The following PFKFB3 variants were observed in gnomAD, a reference collection of about 807,000 sequenced individuals.
PFKFB3 encodes the protein 6-phosphofructo-2-kinase/fructose-2,6-biphosphatase 3.
In PFKFB3, 33 loss-of-function variants were observed where a neutral mutation model predicts 68.0. The ratio of observed to expected loss-of-function variants is 0.49; its 90% CI spans 0.37 to 0.65. The LOEUF is 0.65. Ranked by LOEUF, PFKFB3 falls within the 30% of genes least tolerant of loss-of-function variation. PFKFB3 has a pLI of 0.00. For synonymous variants in PFKFB3, 315 were observed against 288.2 expected (o/e 1.09, Z -0.94); for missense variants, 586 against 712.2 (o/e 0.82, Z 2.02).
chr10:6,211,959 C>T (rs1254706160), intron 1 of PFKFB3, among the ~76,000 whole-genome samples: 1 of 152,234 alleles, frequency 6.6e-6, no homozygotes. Context: ...CTGCTGGGGG[C>T]TCCGGCTTAC....
intron 1 of PFKFB3, among the ~76,000 whole-genome samples, chr10:6,145,947 C>T (rs543939143): frequency 1.3e-5 from 2 of 152,220 alleles, no homozygotes; most frequent in African/African-American, 4.8e-5. Context: ...AGCTCAAAGA[C>T]CCGGGAGAGA....
intron 2 of PFKFB3, among the ~76,000 whole-genome samples, chr10:6,213,952 T>G: frequency 6.9e-6 from 1 of 145,632 alleles, no homozygotes. Context: ...TCACTGGCCA[T>G]TCTCTTTCCC....
chr10:6,298,791 C>T, the PFKFB3 span, among the ~76,000 whole-genome samples: 1 of 152,180 alleles, frequency 6.6e-6, no homozygotes, highest in Non-Finnish European at 1.5e-5. Flanking sequence ...CTCTAACGCA[C>T]CCCAACGCAG....
At chr10:6,163,696 ACCGGCG>A (rs1376361765) in intron 1 of PFKFB3, 7 of 95,568 alleles carry the variant, frequency 7.3e-5, no homozygotes, top group Non-Finnish European at 1.4e-4. Context: ...GCGTGGCGGG[ACCGGCG>A]GGGGCGGGGC....
the PFKFB3 span, among the ~76,000 whole-genome samples, chr10:6,315,975 A>G: frequency 3.9e-5 from 6 of 152,242 alleles, no homozygotes; most frequent in Non-Finnish European, 8.8e-5. Context: ...CTTTCATTCC[A>G]AAAAGAACCA....
chr10:6,205,341 C>T (rs916790901), intron 1 of PFKFB3, among the ~76,000 whole-genome samples: 10 of 149,444 alleles, frequency 6.7e-5, no homozygotes, highest in Admixed American at 5.3e-4. Context: ...CACCCTCCCT[C>T]GATTCTCTAA....
At chr10:6,151,484 A>G (rs1002520718) in intron 1 of PFKFB3, among the ~76,000 whole-genome samples, 4 of 152,148 alleles carry the variant, frequency 2.6e-5, no homozygotes, top group Non-Finnish European at 4.4e-5. Context: ...GGCCCCTTGC[A>G]TTGGTGAGGA....
At chr10:6,211,093 C>T (rs1358852597) in intron 1 of PFKFB3, among the ~76,000 whole-genome samples, 2 of 152,174 alleles carry the variant, frequency 1.3e-5, no homozygotes, top group Admixed American at 6.5e-5. Context: ...TCTTACTATG[C>T]GACAGAGCAG....
At chr10:6,307,464 A>G in the PFKFB3 span, among the ~76,000 whole-genome samples, 3 of 152,016 alleles carry the variant, frequency 2.0e-5, no homozygotes, top group Non-Finnish European at 2.9e-5. Flanking sequence ...ATGTACTGAG[A>G]ATGAATTAGG....
At chr10:6,259,635 C>T (rs1311563991), downstream of PFKFB3, among the ~76,000 whole-genome samples, 9 of 151,980 alleles carry the variant, frequency 5.9e-5, no homozygotes, top group African/African-American at 1.7e-4. Flanking sequence ...TCCATCCATC[C>T]GTCCATCCAT....
chr10:6,172,831 A>C (rs1004814363), intron 1 of PFKFB3, among the ~76,000 whole-genome samples: 10 of 152,066 alleles, frequency 6.6e-5, no homozygotes, highest in African/African-American at 2.4e-4. Flanking sequence ...CAGAAAAAAA[A>C]AAAAAAGTTC....
At chr10:6,297,386 A>T in the PFKFB3 span, among the ~76,000 whole-genome samples, 2 of 152,292 alleles carry the variant, frequency 1.3e-5, no homozygotes, top group Admixed American at 1.3e-4. Flanking sequence ...TAGGCAAAAG[A>T]TAAAAAGGCC....
intron 14 of PFKFB3, among the ~76,000 whole-genome samples, chr10:6,244,577 G>A (rs1846213281): frequency 6.6e-6 from 1 of 152,104 alleles, no homozygotes; most frequent in Admixed American, 6.5e-5. Context: ...GAGAATCTGG[G>A]CTAAGATTCT....
At position 6,228,470 on chromosome 10, in the gene PFKFB3, TC is replaced by T. The variant is rs1255768512; in HGVS notation, c.1515+2109del. ...ACACCGCCGCACGACCGCTGGCTTC[TC>T]CCCTACCCTCTCAGGGCTGCAGGTC... On this transcript the variant is annotated intron_variant, in intron 14 of 14. Transcript: ENST00000379775. The surrounding 1 kb of genome is among the most constrained non-coding windows in gnomAD (Gnocchi z 4.5). 3.9e-5 allele frequency among the ~76,000 whole-genome samples: 6 copies of T among 152,006 alleles called. No individual in the cohort carries two copies. The highest frequency in any genetic ancestry group is 7.3e-5 in the African/African-American group (3 of 41,376).
At chr10:6,299,569 A>G in the PFKFB3 span, among the ~76,000 whole-genome samples, 4 of 152,214 alleles carry the variant, frequency 2.6e-5, no homozygotes, top group East Asian at 7.7e-4. Context: ...CCGTCTGTTA[A>G]GACCGATAAA....
At chr10:6,240,296 G>A (rs148829454), downstream of PFKFB3, among the ~76,000 whole-genome samples, 637 of 152,138 alleles carry the variant, frequency 4.2e-3, 8 homozygotes, top group African/African-American at 0.014. Context: ...ATGGAGTCTC[G>A]CTTTGTCCCC....
chr10:6,245,308 A>G lies in PFKFB3; in HGVS notation c.1516-8870A>G, dbSNP rs7893187. ...GACGGGGTTTCACCATGTTGGCCAG[A>G]CTGGTCTCGAACTCCTGACCTTGTG... On this transcript the variant is annotated intron_variant, in intron 14 of 14. Coordinates refer to the PFKFB3 transcript ENST00000640683. Among the ~76,000 whole-genome samples, 1,085 of 151,926 alleles carry G rather than the reference A, an allele frequency of 7.1e-3. 17 individuals carry two copies. Among genetic ancestry groups the G allele is most frequent in the African/African-American group, 0.021 (875 of 41,442 alleles).
At chr10:6,187,924 C>A (rs1342047484) in intron 1 of PFKFB3, among the ~76,000 whole-genome samples, 6 of 151,222 alleles carry the variant, frequency 4.0e-5, no homozygotes, top group South Asian at 4.2e-4. Flanking sequence ...CCATTTGACT[C>A]CTCTATCATT....
At chr10:6,312,497 A>G in the PFKFB3 span, among the ~76,000 whole-genome samples, 1 of 152,146 alleles carries the variant, frequency 6.6e-6, no homozygotes, top group Non-Finnish European at 1.5e-5. Flanking sequence ...TAACAGGGAC[A>G]CTGCCCATAG....
Sources: allele counts gnomAD v4.1 joint callset (sites outside exome capture counted in the v4.1 genomes callset), GRCh38; gene constraint gnomAD v4.1.1; non-coding constraint Gnocchi (gnomAD v3.1); transcripts MANE v1.5; gene names NCBI Gene and HGNC (gene_info 2026-07-23, HGNC 2026-07-21).